The following IFIH1 variants were observed in gnomAD, a reference collection of about 807,000 sequenced individuals.
IFIH1 encodes interferon-induced helicase C domain-containing protein 1.
In IFIH1, 125 loss-of-function variants were observed where a neutral mutation model predicts 107.4. That is an observed-to-expected ratio of 1.16 (90% CI 1.01 to 1.35). The LOEUF is 1.35. IFIH1 is among the 40% of genes most tolerant of loss of function. IFIH1 has a pLI of 0.00. For synonymous variants in IFIH1, 458 were observed against 413.2 expected (o/e 1.11, Z -1.31); for missense variants, 1,333 against 1,213.7 (o/e 1.10, Z -1.46).
chr2:162,267,599 T>A, intron 14 of IFIH1, 30 bp from the exon 15 acceptor site: 1 of 1,488,966 alleles, frequency 6.7e-7, no homozygotes, highest in East Asian at 2.2e-5. Flanking sequence ...AGAATCATCA[T>A]GGAGAACTGA....
intron 3 of IFIH1, among the ~76,000 whole-genome samples, chr2:162,304,464 T>C (rs1683245834): frequency 6.6e-6 from 1 of 151,908 alleles, no homozygotes; most frequent in African/African-American, 2.4e-5. Context: ...AGCAAGACCC[T>C]GTCCCCGCCT....
chr2:162,271,048 C>T (rs1691026092), intron 13 of IFIH1, among the ~76,000 whole-genome samples: 1 of 152,104 alleles, frequency 6.6e-6, no homozygotes, highest in Non-Finnish European at 1.5e-5. Context: ...ATAGTAGTTA[C>T]AGTTTTTAAT....
rs114380983 is a variant in IFIH1 at position 162,283,206 on chromosome 2, C to T, written c.1096-630G>A. ...ACCAGAAGCAACAGGCCCACAGGACCGGAAGAATCAGGGAACCACAAGTGA... is the reference window on the plus strand; with the variant it reads ...ACCAGAAGCAACAGGCCCACAGGACTGGAAGAATCAGGGAACCACAAGTGA... On this transcript the variant is annotated intron_variant, in intron 5 of 15. Coordinates refer to ENST00000649979, the MANE Select transcript of IFIH1 (RefSeq NM_022168.4). Among the ~76,000 whole-genome samples, 416 of 151,770 alleles carry T rather than the reference C, an allele frequency of 2.7e-3. 3 individuals are homozygous for T. The highest frequency in any genetic ancestry group is 9.6e-3 in the African/African-American group (398 of 41,432).
At chr2:162,288,392 A>C (rs1682934224) in intron 4 of IFIH1, 37 bp from the exon 5 acceptor site, 1 of 1,489,918 alleles carries the variant, frequency 6.7e-7, no homozygotes, top group Non-Finnish European at 9.3e-7. Context: ...GAGAAGGGAC[A>C]ACAAAATAAC....
rs1682717892 is a variant in IFIH1 at position 162,277,497 on chromosome 2, A to G, written c.1962T>C (p.Cys654=). Residue 654 remains cysteine, a synonymous_variant, in exon 10 of 16, where the codon TGT becomes TGC. Coordinates refer to ENST00000649979, the MANE Select transcript of IFIH1 (RefSeq NM_022168.4). ...DSDEGGDDEY[C]DGDEDEDDLK... is the part of the protein sequence containing the mutation. Reference sequence around the variant, plus strand: ...AATCATCCTCATCTTCATCACCATCACAATACTCATCATCACCACCCTCAT... The same window carrying G: ...AATCATCCTCATCTTCATCACCATCGCAATACTCATCATCACCACCCTCAT... 1.3e-6 allele frequency: 2 copies of G among 1,590,824 alleles called. No homozygotes were observed. The highest frequency in any genetic ancestry group is 1.7e-6 in the Non-Finnish European group (2 of 1,159,460).
chr2:162,268,323 T>C, intron 13 of IFIH1, 46 bp from the exon 14 acceptor site: 1 of 1,336,640 alleles, frequency 7.5e-7, no homozygotes, highest in African/African-American at 1.5e-5. Context: ...TTGTTTTCTT[T>C]TTTCAGTTTC....
At chr2:162,294,357 GA>G (rs1683048697) in intron 3 of IFIH1, among the ~76,000 whole-genome samples, 1 of 151,896 alleles carries the variant, frequency 6.6e-6, no homozygotes, top group Non-Finnish European at 1.5e-5. Context: ...CAGAACTCAG[GA>G]TCAATTCTTT....
At chr2:162,293,834 G>T (rs1392337572) in intron 3 of IFIH1, among the ~76,000 whole-genome samples, 166 bp from the exon 4 acceptor site, 1 of 151,818 alleles carries the variant, frequency 6.6e-6, no homozygotes, top group Non-Finnish European at 1.5e-5. Flanking sequence ...GCTACATTAA[G>T]AAAAATCCAC....
intron 3 of IFIH1, among the ~76,000 whole-genome samples, chr2:162,297,155 C>T (rs1223162382): frequency 6.6e-6 from 1 of 152,084 alleles, no homozygotes; most frequent in Non-Finnish European, 1.5e-5. Flanking sequence ...CACACAAACA[C>T]ACACACACTC....
intron 3 of IFIH1, among the ~76,000 whole-genome samples, chr2:162,301,661 T>C (rs939766364): frequency 6.6e-6 from 1 of 152,216 alleles, no homozygotes; most frequent in African/African-American, 2.4e-5. Context: ...GCACAACTAA[T>C]TTAACTGTTC....
At position 162,288,208 on chromosome 2, in the gene IFIH1, T is replaced by C; in HGVS notation, c.1022A>G (p.Tyr341Cys). 6.2e-7 allele frequency: 1 copy of C among 1,612,828 alleles called. No individual in the cohort carries two copies. Among genetic ancestry groups the C allele is most frequent in the Non-Finnish European group, 8.5e-7 (1 of 1,179,250 alleles). ...TGSGKTRVAV[Y>C]IAKDHLDKKK... The stretch of plus-strand genomic sequence containing the variant: ...CTTGTCTAAGTGATCCTTGGCAATG[T>C]AAACAGCCACTCTGGTTTTTCCACT... Residue 341 changes from tyrosine (Y) to cysteine (C), a missense_variant, in exon 5 of 16, where the codon TAC (tyrosine) becomes TGC (cysteine). Coordinates refer to ENST00000649979, the MANE Select transcript of IFIH1 (RefSeq NM_022168.4).
At chr2:162,289,606 T>C (rs552821601) in intron 4 of IFIH1, among the ~76,000 whole-genome samples, 1 of 152,060 alleles carries the variant, frequency 6.6e-6, no homozygotes, top group Admixed American at 6.6e-5. Flanking sequence ...TGCTGATGGC[T>C]CCATTTCAGC....
chr2:162,316,787 A>G (rs1683493968), intron 1 of IFIH1, among the ~76,000 whole-genome samples: 1 of 152,226 alleles, frequency 6.6e-6, no homozygotes, highest in Non-Finnish European at 1.5e-5. Flanking sequence ...GTCACATTCA[A>G]ACAGGTCAGC....
chr2:162,309,912 A>G (rs1000233534), intron 2 of IFIH1, among the ~76,000 whole-genome samples: 1 of 152,176 alleles, frequency 6.6e-6, no homozygotes, highest in Non-Finnish European at 1.5e-5. Flanking sequence ...CCATTTTATA[A>G]CAAGGATCAC....
intron 5 of IFIH1, among the ~76,000 whole-genome samples, chr2:162,284,367 A>G (rs1434354575): frequency 6.6e-6 from 1 of 151,998 alleles, no homozygotes; most frequent in Non-Finnish European, 1.5e-5. Flanking sequence ...ACCTTGGACA[A>G]GGTCTCAATC....
chr2:162,303,620 G>A (rs1450737954), intron 3 of IFIH1, among the ~76,000 whole-genome samples: 4 of 151,254 alleles, frequency 2.6e-5, no homozygotes, highest in Non-Finnish European at 5.9e-5. Context: ...GTGAAAGGAA[G>A]GGAAGGGAAG....
intron 5 of IFIH1, among the ~76,000 whole-genome samples, chr2:162,282,918 G>C (rs575562635): frequency 1.3e-5 from 2 of 150,452 alleles, no homozygotes; most frequent in South Asian, 4.2e-4. Flanking sequence ...CACACACAAA[G>C]TGACAGTTAA....
chr2:162,317,229 C>T (rs1234568079), intron 1 of IFIH1, among the ~76,000 whole-genome samples: 1 of 152,040 alleles, frequency 6.6e-6, no homozygotes, highest in Non-Finnish European at 1.5e-5. Context: ...TGTAAACAAA[C>T]GAGCATGACT....
intron 3 of IFIH1, among the ~76,000 whole-genome samples, chr2:162,306,041 C>T (rs1683275100): frequency 6.6e-6 from 1 of 152,192 alleles, no homozygotes; most frequent in East Asian, 1.9e-4. Context: ...ACACCACAGG[C>T]TTTAAGCAAC....
Sources: allele counts gnomAD v4.1 joint callset (sites outside exome capture counted in the v4.1 genomes callset), GRCh38; gene constraint gnomAD v4.1.1; transcripts MANE v1.5; gene names NCBI Gene and HGNC (gene_info 2026-07-23, HGNC 2026-07-21).